Variants in DHRS7B observed in about 807,000 individuals in gnomAD.
DHRS7B encodes the protein dehydrogenase/reductase 7B, also known as peroxisomal reductase activating PPAR-gamma.
Under a neutral mutation model 26.4 loss-of-function variants are expected in DHRS7B, and 24 were observed. The ratio of observed to expected loss-of-function variants is 0.91; its 90% confidence interval spans 0.66 to 1.28. The LOEUF is 1.28. Among genes scored for constraint, DHRS7B ranks in the 50% most tolerant of loss-of-function variants. DHRS7B has a pLI of 0.00. For synonymous variants in DHRS7B, 142 were observed against 166.4 expected (o/e 0.85, Z 1.13); for missense variants, 368 against 419.4 (o/e 0.88, Z 1.07).
chr17:21,135,510 A>G (rs929341752), intron 1 of DHRS7B, among the ~76,000 whole-genome samples: 1 of 152,254 alleles, frequency 6.6e-6, no homozygotes, highest in African/African-American at 2.4e-5. Flanking sequence ...TTTAACCAAA[A>G]TGATAAGGAT....
rs777472260 is a variant in DHRS7B, at chr17:21,139,674, CA to C, written c.20+12695del. On this transcript the variant is annotated intron_variant, in intron 1 of 6. Coordinates refer to ENST00000395511, the MANE Select transcript of DHRS7B (RefSeq NM_015510.5). The stretch of plus-strand genomic sequence containing the variant: ...TGGGTGACAGAGCGAGACTCCATCT[CA>C]AAAAAAAAAAATAAATAAATAAAAG... Among the ~76,000 whole-genome samples the C allele has an allele frequency of 3.9e-3, 512 of 131,798 alleles. 2 individuals are homozygous for C. Among genetic ancestry groups the C allele is most frequent in the African/African-American group, 0.01 (359 of 35,582 alleles). The allele number at this position is 131,798 out of a possible 152,430, so 86.5% of individuals were successfully genotyped here.
chr17:21,129,667 G>A (rs1459636887), intron 1 of DHRS7B, among the ~76,000 whole-genome samples: 1 of 136,700 alleles, frequency 7.3e-6, no homozygotes, highest in African/African-American at 2.7e-5. Context: ...ATAATACTAC[G>A]GCACTCCAGC....
chr17:21,173,379 C>T (rs187396253), intron 2 of DHRS7B, among the ~76,000 whole-genome samples: 5 of 152,354 alleles, frequency 3.3e-5, no homozygotes, highest in Non-Finnish European at 7.3e-5. Flanking sequence ...AACCTAGAGT[C>T]AAACCCACAT....
At chr17:21,153,604 A>T (rs1973818191) in intron 1 of DHRS7B, among the ~76,000 whole-genome samples, 2 of 152,204 alleles carry the variant, frequency 1.3e-5, no homozygotes, top group African/African-American at 4.8e-5. Flanking sequence ...AAAAAACAGA[A>T]ATGTCTTACA....
At chr17:21,188,981 G>GA (rs1567631946) in intron 6 of DHRS7B, 118 bp downstream of exon 6, 5 of 1,392,480 alleles carry the variant, frequency 3.6e-6, no homozygotes, top group Middle Eastern at 1.9e-4. Flanking sequence ...CTTTTAAAGT[G>GA]AAAAAAACTT....
At chr17:21,166,192 A>G (rs1281289749) in intron 1 of DHRS7B, 3 of 985,438 alleles carry the variant, frequency 3.0e-6, no homozygotes, top group Non-Finnish European at 3.6e-6. Context: ...AGCTCACTTC[A>G]ATGTGGCTGC....
chr17:21,157,526 A>G (rs1282459500), intron 1 of DHRS7B, among the ~76,000 whole-genome samples: 1 of 152,122 alleles, frequency 6.6e-6, no homozygotes, highest in Non-Finnish European at 1.5e-5. Flanking sequence ...GCAAGACCTC[A>G]TCTCTACAAA....
At chr17:21,189,504 T>C (rs1974729073) in intron 6 of DHRS7B, among the ~76,000 whole-genome samples, 1 of 152,188 alleles carries the variant, frequency 6.6e-6, no homozygotes, top group South Asian at 2.1e-4. Context: ...CAGGGCCTGC[T>C]CACCCCTCCA....
intron 1 of DHRS7B, among the ~76,000 whole-genome samples, chr17:21,130,704 C>T (rs1040450317): frequency 6.6e-6 from 1 of 151,642 alleles, no homozygotes; most frequent in African/African-American, 2.4e-5. Context: ...TGCATGACAA[C>T]TAAAAAAAAA....
Position 21,140,234 on chromosome 17 carries a change from G to T in DHRS7B, c.20+13243G>T, listed in dbSNP as rs148734889. ...AGATGGGGTTTCACCATGTTAGCCA[G>T]GATGGTCTCGATCTCCTGACTTCGT... On this transcript the variant is annotated intron_variant, in intron 1 of 6. Coordinates refer to ENST00000395511, the MANE Select transcript of DHRS7B (RefSeq NM_015510.5). 6.0e-3 allele frequency among the ~76,000 whole-genome samples: 918 copies of T among 151,820 alleles called. 10 individuals carry two copies. The highest frequency in any genetic ancestry group is 0.021 in the African/African-American group (880 of 41,386).
intron 1 of DHRS7B, among the ~76,000 whole-genome samples, chr17:21,149,000 A>G (rs1001780751): frequency 6.6e-6 from 1 of 152,174 alleles, no homozygotes; most frequent in African/African-American, 2.4e-5. Flanking sequence ...TGACCCAAAT[A>G]AGACCCCAAG....
intron 2 of DHRS7B, among the ~76,000 whole-genome samples, chr17:21,177,717 G>A (rs529045800): frequency 7.2e-5 from 11 of 152,290 alleles, no homozygotes; most frequent in South Asian, 6.2e-4. Context: ...TCTGCCTCAA[G>A]CACTCCCTGG....
At chr17:21,190,680 C>G (rs745413527) in intron 6 of DHRS7B, among the ~76,000 whole-genome samples, 2 of 152,232 alleles carry the variant, frequency 1.3e-5, no homozygotes, top group Non-Finnish European at 2.9e-5. Flanking sequence ...GTTCCAAGCC[C>G]TAACTGGGAT....
At chr17:21,156,677 C>T (rs1362475490) in intron 1 of DHRS7B, among the ~76,000 whole-genome samples, 1 of 151,864 alleles carries the variant, frequency 6.6e-6, no homozygotes, top group Admixed American at 6.6e-5. Flanking sequence ...CTTTAGGAGG[C>T]CAAGGCAGGT....
At chr17:21,156,604 C>A (rs970156401) in intron 1 of DHRS7B, among the ~76,000 whole-genome samples, 2 of 149,658 alleles carry the variant, frequency 1.3e-5, no homozygotes, top group Non-Finnish European at 3.0e-5. Flanking sequence ...GACTCCATCT[C>A]AAAAAATAAT....
intron 3 of DHRS7B, among the ~76,000 whole-genome samples, chr17:21,182,229 A>AT (rs1160165266): frequency 1.3e-5 from 2 of 152,074 alleles, no homozygotes; most frequent in Non-Finnish European, 2.9e-5. Flanking sequence ...GTGATATATT[A>AT]TAATGTTCAA....
intron 1 of DHRS7B, among the ~76,000 whole-genome samples, chr17:21,157,667 G>T (rs1344160672): frequency 1.3e-5 from 2 of 152,132 alleles, no homozygotes; most frequent in Non-Finnish European, 2.9e-5. Context: ...GCACTCCAGT[G>T]TGGGCAAGAA....
chr17:21,174,636 C>A (rs1215080675), intron 2 of DHRS7B, among the ~76,000 whole-genome samples: 1 of 152,232 alleles, frequency 6.6e-6, no homozygotes, highest in Non-Finnish European at 1.5e-5. Flanking sequence ...AAAACTCAAA[C>A]AGGTTTGAGG....
At chr17:21,147,899 T>C (rs1365758041) in intron 1 of DHRS7B, among the ~76,000 whole-genome samples, 2 of 151,984 alleles carry the variant, frequency 1.3e-5, no homozygotes, top group African/African-American at 4.8e-5. Flanking sequence ...TACAGGTCCC[T>C]TGGGCACAGT....
Sources: allele counts gnomAD v4.1 joint callset (sites outside exome capture counted in the v4.1 genomes callset), GRCh38; gene constraint gnomAD v4.1.1; transcripts MANE v1.5; gene names NCBI Gene and HGNC (gene_info 2026-07-23, HGNC 2026-07-21).